Variants in FKRP observed in about 807,000 individuals in gnomAD.
The protein encoded by FKRP is fukutin related protein.
Under a neutral mutation model 30.6 loss-of-function variants are expected in FKRP, and 25 were observed. The observed-to-expected ratio is 0.82, with a 90% CI of 0.60 to 1.14. The LOEUF is 1.14. Ranked by LOEUF, FKRP falls within the 50% of genes most tolerant of loss-of-function variation. The pLI is 0.00. For synonymous variants in FKRP, 358 were observed against 342.5 expected, an observed-to-expected ratio of 1.05 and a Z score of -0.50; for missense variants, 771 against 727.8, an observed-to-expected ratio of 1.06 and a Z score of -0.68.
In FKRP at chr19:46,755,959, C is replaced by A. The variant is rs1176814546; in HGVS notation, c.509C>A (p.Ala170Asp). The A allele has an allele frequency of 6.5e-7, 1 of 1,537,930 alleles. No individual in the cohort carries two copies. The highest frequency in any genetic ancestry group is 1.2e-5 in the South Asian group (1 of 84,134). The change falls in exon 4 of 4, where the codon GCC (alanine) becomes GAC (aspartate). Residue 170 changes from alanine to aspartate, a missense_variant. Transcript: ENST00000318584. ...VATANPARCL[A>D]LNVSLREWTA... ...ACGGCCAACCCTGCCAGGTGCCTGG[C>A]CCTGAACGTCAGCCTGCGAGAGTGG... is the stretch of plus-strand genomic sequence containing the variant.
Position 46,755,851 on chromosome 19 carries a change from G to A in FKRP, c.401G>A (p.Arg134Gln). Residue 134 changes from arginine to glutamine, a missense_variant, in exon 4 of 4, where the codon CGG (arginine) becomes CAG (glutamine). Coordinates refer to ENST00000318584, the MANE Select transcript of FKRP (RefSeq NM_024301.5). The stretch of plus-strand genomic sequence containing the variant: ...GTGGCCCTAGTACCTGATGGGGCGC[G>A]GGCTGAGGCACCTGGCCTGCTGGAG... ...EFVALVPDGA[R>Q]AEAPGLLERM... is the part of the protein sequence containing the mutation. 6.7e-7 allele frequency: 1 copy of A among 1,490,598 alleles called. No homozygotes were observed. The highest frequency in any genetic ancestry group is 8.9e-7 in the Non-Finnish European group (1 of 1,123,086). The allele number at this position is 1,490,598 out of a possible 1,614,324, so 92.3% of individuals were successfully genotyped here. A position where few individuals can be genotyped will look rare whatever the true frequency, so the allele number is the denominator to read the frequency against.
intron 3 of FKRP, among the ~76,000 whole-genome samples, chr19:46,751,617 C>T (rs2054794869): frequency 6.9e-6 from 1 of 145,128 alleles, no homozygotes; most frequent in Non-Finnish European, 1.5e-5. Flanking sequence ...GGACTGCGGA[C>T]TGCAGTGGCA....
chr19:46,748,136 C>T (rs980837948), intron 2 of FKRP, 48 bp downstream of exon 2: 10 of 152,172 alleles, frequency 6.6e-5, no homozygotes, highest in African/African-American at 2.4e-4. Context: ...AACTGCCCTT[C>T]CTCATTCCTT....
chr19:46,757,221 G>C lies in FKRP; in HGVS notation c.*283G>C, dbSNP rs542730640. 54 of 561,110 alleles carry C rather than the reference G, an allele frequency of 9.6e-5. No individual in the cohort carries two copies. The highest frequency in any genetic ancestry group is 1.0e-3 in the Middle Eastern group (2 of 2,004). The allele number at this position is 561,110 out of a possible 1,614,324, so 34.8% of individuals were successfully genotyped here. A position where few individuals can be genotyped will look rare whatever the true frequency, so the allele number is the denominator to read the frequency against. On this transcript the variant is annotated 3_prime_UTR_variant, in exon 4 of 4. Transcript: ENST00000318584. ...CATCTCAGTCATGGAGGGAGACGGG[G>C]ATGTCACGCCGTCCCGCAGGGCCCA... is the stretch of plus-strand genomic sequence containing the variant.
intron 3 of FKRP, among the ~76,000 whole-genome samples, chr19:46,752,857 G>A (rs113147545): frequency 0.012 from 1,844 of 152,008 alleles, 28 homozygotes; most frequent in African/African-American, 0.043. Context: ...AGAGCAAGAC[G>A]CTGTCCGTTT....
chr19:46,746,362 G>C (rs2054615466), intron 1 of FKRP: 1 of 1,168,336 alleles, frequency 8.6e-7, no homozygotes, highest in Non-Finnish European at 1.1e-6. Context: ...CAGGGCCCGC[G>C]CCTGAGCCGA....
chr19:46,751,200 C>T (rs1225771219), intron 3 of FKRP, among the ~76,000 whole-genome samples: 1 of 151,414 alleles, frequency 6.6e-6, no homozygotes, highest in Non-Finnish European at 1.5e-5. Context: ...GTAACTGGGA[C>T]TACAGGTGCA....
At chr19:46,746,442 G>A (rs1441404413) in intron 1 of FKRP, 6 of 1,007,464 alleles carry the variant, frequency 6.0e-6, no homozygotes, top group African/African-American at 5.3e-5. Flanking sequence ...GAGGCCCCGG[G>A]GCCGGCCTGC....
chr19:46,756,247 C>A lies in FKRP; in HGVS notation c.797C>A (p.Ala266Glu). 6.9e-7 allele frequency: 1 copy of A among 1,451,838 alleles called. No individual in the cohort carries two copies. Among genetic ancestry groups the A allele is most frequent in the Non-Finnish European group, 9.0e-7 (1 of 1,107,260 alleles). The allele number at this position is 1,451,838 out of a possible 1,614,324, so 89.9% of individuals were successfully genotyped here. ...GAGCGCGAGGGACGCGCTCGGCGGG[C>A]GGCGCTGCTCCGCGCGCTGGGCATC... ...KAEREGRARRAALLRALGIRL... is the reference protein window; with the variant it reads ...KAEREGRARREALLRALGIRL... Residue 266 changes from alanine to glutamate, a missense_variant, in exon 4 of 4, where the codon GCG (alanine) becomes GAG (glutamate). Physicochemically the swap from Ala to Glu is moderately radical, Grantham distance 107. Coordinates refer to ENST00000318584, the MANE Select transcript of FKRP (RefSeq NM_024301.5). This position sits in a 1 kb window ranked among gnomAD's most constrained non-coding sequence, Gnocchi z 6.6.
upstream of FKRP, chr19:46,746,045 C>G: frequency 4.4e-6 from 5 of 1,132,730 alleles, no homozygotes; most frequent in Non-Finnish European, 5.6e-6. Context: ...CCCCGCCGGC[C>G]GTCCCGGCGG....
chr19:46,756,398 C>T lies in FKRP; in HGVS notation c.948C>T (p.Pro316=), dbSNP rs945877846. The change falls in exon 4 of 4, where the codon CCC becomes CCT. Residue 316 remains proline, a synonymous_variant. Transcript: ENST00000318584. The surrounding 1 kb of genome is among the most constrained non-coding windows in gnomAD (Gnocchi z 6.6). The part of the protein sequence containing the change: ...AYLYEERWTP[P]CCLRALRETA... ...TCTACGAGGAGCGCTGGACGCCCCC[C>T]TGCTGCCTGCGCGCGCTGCGCGAGA... The T allele has an allele frequency of 4.5e-6, 7 of 1,569,470 alleles. No individual in the cohort carries two copies. Among genetic ancestry groups the T allele is most frequent in the Middle Eastern group, 3.4e-4 (2 of 5,964 alleles).
At chr19:46,746,122 G>A (rs2054596733) in intron 1 of FKRP, 32 bp downstream of exon 1, 6 of 1,477,330 alleles carry the variant, frequency 4.1e-6, no homozygotes, top group African/African-American at 2.9e-5. Context: ...CCGGGTTGGG[G>A]GTCGGGGGTC....
intron 1 of FKRP, chr19:46,747,437 A>T (rs895943728): frequency 7.7e-6 from 1 of 129,370 alleles, no homozygotes; most frequent in African/African-American, 3.0e-5. Flanking sequence ...CTTGTTGCCC[A>T]GGCTGGGATG....
In FKRP at chr19:46,757,899, C is replaced by G. The variant is rs2054960580; in HGVS notation, c.*961C>G. On this transcript the variant is annotated 3_prime_UTR_variant, in exon 4 of 4. Coordinates refer to ENST00000318584, the MANE Select transcript of FKRP (RefSeq NM_024301.5). ...ACCAGCCTCGGCAACATGCCAAGACCCCGTCTCTATTTTTAAAAAAGAAAA... is the reference window on the plus strand; with the variant it reads ...ACCAGCCTCGGCAACATGCCAAGACGCCGTCTCTATTTTTAAAAAAGAAAA... The G allele has an allele frequency of 6.0e-6, 1 of 167,042 alleles. No homozygotes were observed. The highest frequency in any genetic ancestry group is 2.1e-4 in the South Asian group (1 of 4,836). The allele number at this position is 167,042 out of a possible 1,614,324, so 10.3% of individuals were successfully genotyped here.
chr19:46,746,038 C>CA (rs1568409985), upstream of FKRP: 2 of 1,198,422 alleles, frequency 1.7e-6, no homozygotes, highest in Admixed American at 4.5e-5. Context: ...CCCGCCCCCC[C>CA]GCCGGCCGTC....
rs5828285 is a variant in FKRP, at chr19:46,755,190, TA to T, written c.-39-205del. 0.53 allele frequency among the ~76,000 whole-genome samples: 76,550 copies of T among 144,194 alleles called. 20,613 individuals carry two copies. Among genetic ancestry groups the T allele is most frequent in the African/African-American group, 0.69 (27,041 of 39,298 alleles). The allele number at this position is 144,194 out of a possible 152,430, so 94.6% of individuals were successfully genotyped here. A position where few individuals can be genotyped will look rare whatever the true frequency, so the allele number is the denominator to read the frequency against. ...TTCTATTAGTTTGACTCACTCTGTT[TA>T]AAAAAAAAAAAAAAAATTCTGAGGA... On this transcript the variant is annotated intron_variant, in intron 3 of 3. Coordinates refer to ENST00000318584, the MANE Select transcript of FKRP (RefSeq NM_024301.5).
upstream of FKRP, chr19:46,745,801 C>G (rs2054579199): frequency 5.0e-6 from 1 of 201,688 alleles, no homozygotes; most frequent in Non-Finnish European, 1.0e-5. Flanking sequence ...CTCGAGTCGC[C>G]TCTCTCAGGA....
Position 46,756,356 on chromosome 19 carries a change from C to T in FKRP, c.906C>T (p.Gly302=), listed in dbSNP as rs2122626586. ...ETTRCFGTVV[G]DTPAYLYEER... is the part of the protein sequence containing the mutation. ...CGCGCTGCTTCGGAACCGTGGTGGG[C>T]GACACGCCCGCCTACCTCTACGAGG... Residue 302 remains glycine, a synonymous_variant, in exon 4 of 4, where the codon GGC becomes GGT. Transcript: ENST00000318584. The surrounding 1 kb of genome is among the most constrained non-coding windows in gnomAD (Gnocchi z 6.6). The T allele has an allele frequency of 1.3e-5, 21 of 1,558,472 alleles. No homozygotes were observed. The highest frequency in any genetic ancestry group is 1.7e-5 in the Non-Finnish European group (20 of 1,154,438).
intron 1 of FKRP, chr19:46,747,437 AG>A (rs1411682479): frequency 2.3e-5 from 3 of 129,370 alleles, no homozygotes; most frequent in Non-Finnish European, 3.1e-5. Flanking sequence ...CTTGTTGCCC[AG>A]GCTGGGATGC....
Sources: gnomAD v4.1 joint callset for allele counts (sites outside exome capture counted in the v4.1 genomes callset) on GRCh38, gnomAD v4.1.1 for gene constraint, Gnocchi (gnomAD v3.1) non-coding constraint, MANE v1.5 for transcripts, NCBI Gene and HGNC (gene_info 2026-07-23, HGNC 2026-07-21) for gene names.